The following TMEM108 variants were observed in gnomAD, a reference collection of about 807,000 sequenced individuals.
TMEM108 encodes the protein transmembrane protein 108.
Under a neutral mutation model 35.1 loss-of-function variants are expected in TMEM108, and 12 were observed. The observed-to-expected ratio is 0.34, with a 90% CI of 0.22 to 0.55. The LOEUF is 0.55. Among genes scored for constraint, TMEM108 ranks in the 20% least tolerant of loss-of-function variants. The pLI, the probability that TMEM108 is intolerant of heterozygous loss-of-function variation, is 0.89. For synonymous variants in TMEM108, 287 were observed against 308.6 expected (o/e 0.93, Z 0.73); for missense variants, 680 against 753.3 (o/e 0.90, Z 1.14).
intron 2 of TMEM108, among the ~76,000 whole-genome samples, chr3:133,091,889 A>G (rs1943951076): frequency 6.6e-6 from 1 of 152,176 alleles, no homozygotes; most frequent in Non-Finnish European, 1.5e-5. Flanking sequence ...CCATCATGGT[A>G]GCATAAGAGC....
At chr3:133,279,823 C>A (rs1946887408) in intron 3 of TMEM108, among the ~76,000 whole-genome samples, 1 of 152,086 alleles carries the variant, frequency 6.6e-6, no homozygotes, top group African/African-American at 2.4e-5. Context: ...CTTGTCAGGG[C>A]CTATGAAAAT....
intron 2 of TMEM108, among the ~76,000 whole-genome samples, chr3:133,202,930 A>G (rs1284998704): frequency 6.6e-6 from 1 of 152,102 alleles, no homozygotes; most frequent in African/African-American, 2.4e-5. Context: ...ATGAGCATGG[A>G]ATGTTTTTCC....
At chr3:133,056,947 C>T (rs946634132) in intron 2 of TMEM108, among the ~76,000 whole-genome samples, 2 of 152,172 alleles carry the variant, frequency 1.3e-5, no homozygotes, top group Non-Finnish European at 2.9e-5. Context: ...TTTCCAACAG[C>T]TTTTTATTCT....
intron 2 of TMEM108, among the ~76,000 whole-genome samples, chr3:133,122,905 T>G (rs1335746412): frequency 6.6e-6 from 1 of 151,502 alleles, no homozygotes; most frequent in South Asian, 2.1e-4. Flanking sequence ...TAAGATGCTA[T>G]AAGGTGGAAA....
At chr3:133,321,287 G>A (rs1416386384) in intron 3 of TMEM108, among the ~76,000 whole-genome samples, 1 of 152,100 alleles carries the variant, frequency 6.6e-6, no homozygotes, top group Non-Finnish European at 1.5e-5. Flanking sequence ...TAACACATAA[G>A]GACTCACAGA....
intron 3 of TMEM108, among the ~76,000 whole-genome samples, chr3:133,242,381 A>T (rs564039833): frequency 1.3e-5 from 2 of 152,350 alleles, no homozygotes; most frequent in South Asian, 4.1e-4. Flanking sequence ...AGTAAGTAGA[A>T]GGTGAAGAGA....
At chr3:133,258,320 G>A (rs1479459145) in intron 3 of TMEM108, among the ~76,000 whole-genome samples, 2 of 152,142 alleles carry the variant, frequency 1.3e-5, no homozygotes, top group African/African-American at 4.8e-5. Flanking sequence ...CTGTTGTTTG[G>A]TATTTTATTA....
intron 2 of TMEM108, among the ~76,000 whole-genome samples, chr3:133,138,905 C>G (rs932406131): frequency 6.6e-6 from 1 of 151,980 alleles, no homozygotes; most frequent in Non-Finnish European, 1.5e-5. Flanking sequence ...TCCTAATGCT[C>G]TCCCTCCCCT....
intron 2 of TMEM108, among the ~76,000 whole-genome samples, chr3:133,222,236 A>G (rs1946003252): frequency 6.6e-6 from 1 of 151,960 alleles, no homozygotes; most frequent in Non-Finnish European, 1.5e-5. Context: ...TGAATATATC[A>G]TCCCACTCTC....
chr3:133,385,390 C>T (rs1553774214), intron 4 of TMEM108, among the ~76,000 whole-genome samples: 1 of 152,210 alleles, frequency 6.6e-6, no homozygotes, highest in Non-Finnish European at 1.5e-5. Flanking sequence ...ACTCAGTCCT[C>T]ACTTCATGGC....
chr3:133,350,990 A>G (rs1419081784), intron 3 of TMEM108, among the ~76,000 whole-genome samples: 1 of 152,120 alleles, frequency 6.6e-6, no homozygotes, highest in Non-Finnish European at 1.5e-5. Context: ...TTTCTTTCCC[A>G]CCACACCAGG....
At chr3:133,178,964 A>T (rs1030205451) in intron 2 of TMEM108, among the ~76,000 whole-genome samples, 4 of 152,140 alleles carry the variant, frequency 2.6e-5, no homozygotes, top group African/African-American at 9.7e-5. Flanking sequence ...AATTTACAAG[A>T]AAAAAACAAC....
intron 3 of TMEM108, among the ~76,000 whole-genome samples, chr3:133,352,219 T>C (rs188713236): frequency 6.6e-6 from 1 of 152,258 alleles, no homozygotes; most frequent in African/African-American, 2.4e-5. Context: ...CCATGTGTGA[T>C]AGGGAGTCAT....
intron 2 of TMEM108, among the ~76,000 whole-genome samples, chr3:133,124,225 C>T (rs890114195): frequency 2.5e-4 from 38 of 152,058 alleles, no homozygotes; most frequent in Admixed American, 1.3e-4. Flanking sequence ...TTTCCTGATA[C>T]CAAAATAACC....
At chr3:133,204,608 G>A (rs760801355) in intron 2 of TMEM108, among the ~76,000 whole-genome samples, 1 of 152,182 alleles carries the variant, frequency 6.6e-6, no homozygotes, top group Non-Finnish European at 1.5e-5. Flanking sequence ...TAGTTGTGTG[G>A]TTTTGAATGA....
At chr3:133,372,645 A>G (rs143564769) in intron 3 of TMEM108, among the ~76,000 whole-genome samples, 25 of 152,196 alleles carry the variant, frequency 1.6e-4, no homozygotes, top group Non-Finnish European at 3.2e-4. Context: ...CAGTTTCCCA[A>G]AGTACAAGTC....
intron 2 of TMEM108, among the ~76,000 whole-genome samples, chr3:133,086,968 A>G (rs772486938): frequency 7.2e-5 from 11 of 152,200 alleles, no homozygotes; most frequent in Non-Finnish European, 1.6e-4. Context: ...CAAATCCTAT[A>G]CTTGTCCCAG....
chr3:133,169,032 C>T (rs1351988986), intron 2 of TMEM108, among the ~76,000 whole-genome samples: 2 of 152,226 alleles, frequency 1.3e-5, no homozygotes, highest in Non-Finnish European at 2.9e-5. Context: ...ACTCCAGACA[C>T]ACCATCTTTA....
chr3:133,340,250 G>C (rs1457914072), intron 3 of TMEM108, among the ~76,000 whole-genome samples: 4 of 151,584 alleles, frequency 2.6e-5, no homozygotes, highest in Non-Finnish European at 5.9e-5. Flanking sequence ...GATGAAAAAG[G>C]AGATTACAGC....
Sources: gnomAD v4.1 joint callset for allele counts (sites outside exome capture counted in the v4.1 genomes callset) on GRCh38, gnomAD v4.1.1 for gene constraint, MANE v1.5 for transcripts, NCBI Gene and HGNC (gene_info 2026-07-23, HGNC 2026-07-21) for gene names.